The following SMIM13 variants were observed in gnomAD, a reference collection of about 807,000 sequenced individuals.
SMIM13 encodes UPF0766 protein C6orf228.
A neutral mutation model predicts 5.9 loss-of-function variants in SMIM13; 3 were observed. The observed-to-expected ratio is 0.51, with a 90% CI of 0.23 to 1.31. SMIM13 has a LOEUF of 1.31. Ranked by LOEUF, SMIM13 falls within the 40% of genes most tolerant of loss-of-function variation. SMIM13 has a pLI of 0.18. For missense variants in SMIM13, 85 were observed against 109.9 expected, an observed-to-expected ratio of 0.77 and a Z score of 1.01; for synonymous variants, 55 against 46.0, an observed-to-expected ratio of 1.19 and a Z score of -0.79.
chr6:11,111,977 G>A (rs141652830), intron 1 of SMIM13, among the ~76,000 whole-genome samples: 1 of 152,158 alleles, frequency 6.6e-6, no homozygotes, highest in Non-Finnish European at 1.5e-5. Flanking sequence ...TTCTTAGTGC[G>A]CATGCTTGAG....
intron 1 of SMIM13, chr6:11,103,746 G>T (rs138651238): frequency 3.9e-6 from 6 of 1,551,668 alleles, no homozygotes; most frequent in East Asian, 4.9e-5. Flanking sequence ...ACTGAGATTC[G>T]TCTGGAGCTT....
Position 11,137,123 on chromosome 6 carries a change from T to C in SMIM13, c.*2521T>C, listed in dbSNP as rs1335080601. Reference sequence around the variant, plus strand: ...TGGCATTATTTATTGACATTTATGCTTCAAGCATGTCTTATTTTATGTAAT... The same window carrying C: ...TGGCATTATTTATTGACATTTATGCCTCAAGCATGTCTTATTTTATGTAAT... On this transcript the variant is annotated 3_prime_UTR_variant, in exon 2 of 2. Coordinates refer to ENST00000416247, the MANE Select transcript of SMIM13 (RefSeq NM_001135575.2). 1 of 152,144 alleles carries C rather than the reference T, an allele frequency of 6.6e-6. No homozygotes were observed. The highest frequency in any genetic ancestry group is 1.5e-5 in the Non-Finnish European group (1 of 68,010). 9.4% of individuals were successfully genotyped at this position (152,144 alleles called of 1,614,324 possible).
chr6:11,118,596 G>A (rs1420051929), intron 1 of SMIM13, among the ~76,000 whole-genome samples: 1 of 152,178 alleles, frequency 6.6e-6, no homozygotes, highest in Non-Finnish European at 1.5e-5. Context: ...ATGAAAGTGA[G>A]CATGAGGTGC....
Position 11,094,387 on chromosome 6 carries a change from G to T in SMIM13, c.74G>T (p.Cys25Phe), listed in dbSNP as rs908633944. 5.2e-6 allele frequency: 8 copies of T among 1,535,528 alleles called. No individual in the cohort carries two copies. Among genetic ancestry groups the T allele is most frequent in the Non-Finnish European group, 7.0e-6 (8 of 1,142,638 alleles). The change falls in exon 1 of 2, where the codon TGC (cysteine) becomes TTC (phenylalanine). Residue 25 changes from cysteine to phenylalanine, a missense_variant and splice_region_variant. Cys to Phe is a radical substitution (Grantham distance 205). Transcript: ENST00000416247. ...CTGATCGTCCTGCTGCTGATGGTGT[G>T]CGGTGAGTGGGGGCGGTAGCCGCGA... ...TLLIVLLLMV[C>F]GWYFVWHLFL...
At chr6:11,130,997 T>C (rs760390384) in intron 1 of SMIM13, among the ~76,000 whole-genome samples, 7 of 152,190 alleles carry the variant, frequency 4.6e-5, no homozygotes, top group Non-Finnish European at 1.0e-4. Context: ...AAGATTATAA[T>C]TCTCTGATAG....
chr6:11,121,942 G>A (rs2113661506), intron 1 of SMIM13, among the ~76,000 whole-genome samples: 1 of 152,292 alleles, frequency 6.6e-6, no homozygotes, highest in African/African-American at 2.4e-5. Flanking sequence ...AGTAAATACT[G>A]ATTTTTGCAT....
chr6:11,130,660 T>G (rs1758441411), intron 1 of SMIM13, among the ~76,000 whole-genome samples: 1 of 152,210 alleles, frequency 6.6e-6, no homozygotes, highest in Non-Finnish European at 1.5e-5. Flanking sequence ...TGGCAGTGAT[T>G]ACCAAAAATA....
intron 1 of SMIM13, chr6:11,104,036 T>G (rs760127879): frequency 6.4e-7 from 1 of 1,551,768 alleles, no homozygotes; most frequent in South Asian, 1.2e-5. Flanking sequence ...CTCCCTGTGC[T>G]GCCGTTAACA....
intron 1 of SMIM13, among the ~76,000 whole-genome samples, chr6:11,111,320 A>G (rs973936340): frequency 1.3e-5 from 2 of 152,198 alleles, no homozygotes; most frequent in African/African-American, 2.4e-5. Flanking sequence ...ATACAGAGAA[A>G]GGAAAATAGG....
In SMIM13 at chr6:11,128,069, T is replaced by C. The variant is rs1455067290; in HGVS notation, c.77-6334T>C. 2.0e-5 allele frequency among the ~76,000 whole-genome samples: 3 copies of C among 152,222 alleles called. No homozygotes were observed. In the East Asian group the frequency reaches 5.8e-4, roughly 29 times the overall value. The stretch of plus-strand genomic sequence containing the variant: ...ACAAAGTTCTCTTTACTCTTTTCTC[T>C]CCTTTCCTTGAGTAAGAGTTTCTCC... On this transcript the variant is annotated intron_variant, in intron 1 of 1. Coordinates refer to ENST00000416247, the MANE Select transcript of SMIM13 (RefSeq NM_001135575.2).
intron 1 of SMIM13, chr6:11,102,975 C>T (rs2113641300): frequency 6.6e-6 from 1 of 152,314 alleles, no homozygotes; most frequent in African/African-American, 2.4e-5. Flanking sequence ...AGGCCCTTGA[C>T]TTGGGGTTTT....
intron 1 of SMIM13, among the ~76,000 whole-genome samples, chr6:11,107,043 G>A (rs6913027): frequency 0.21 from 32,709 of 152,160 alleles, 3,843 homozygotes; most frequent in African/African-American, 0.31. Flanking sequence ...TTTAACCTCT[G>A]TAATTTGTTG....
At chr6:11,115,992 G>T (rs1205423263) in intron 1 of SMIM13, among the ~76,000 whole-genome samples, 3 of 145,942 alleles carry the variant, frequency 2.1e-5, no homozygotes, top group East Asian at 2.0e-4. Flanking sequence ...CTGCCGGCCG[G>T]CCTTCCTTCC....
rs536274049 is a variant in SMIM13 at position 11,136,683 on chromosome 6, C to T, written c.*2081C>T. The T allele has an allele frequency of 9.2e-5, 14 of 152,190 alleles. No homozygotes were observed. Among genetic ancestry groups the T allele is most frequent in the African/African-American group, 3.4e-4 (14 of 41,538 alleles). The allele number at this position is 152,190 out of a possible 1,614,324, so 9.4% of individuals were successfully genotyped here. On this transcript the variant is annotated 3_prime_UTR_variant, in exon 2 of 2. Coordinates refer to ENST00000416247, the MANE Select transcript of SMIM13 (RefSeq NM_001135575.2). ...TTTCCTAGCAGCTGAGAGCAAGGCA[C>T]AGTCTCTGTCTTCATTTCTTTATTA...
chr6:11,094,468 T>G lies in SMIM13; in HGVS notation c.76+79T>G, dbSNP rs534897897. On this transcript the variant is annotated intron_variant, in intron 1 of 1. Transcript: ENST00000416247. ...CTGGGGTTTTTTTTGTTGTTTGTTTTTTTGAAAAAAACAAAAGGGCGTGGA... is the reference window on the plus strand; with the variant it reads ...CTGGGGTTTTTTTTGTTGTTTGTTTGTTTGAAAAAAACAAAAGGGCGTGGA... 4.7e-3 allele frequency: 5,802 copies of G among 1,229,206 alleles called. 45 individuals carry two copies. Among genetic ancestry groups the G allele is most frequent in the South Asian group, 0.02 (1,529 of 75,022 alleles). The allele number at this position is 1,229,206 out of a possible 1,614,324, so 76.1% of individuals were successfully genotyped here.
At chr6:11,130,993 A>G (rs930770130) in intron 1 of SMIM13, among the ~76,000 whole-genome samples, 12 of 152,182 alleles carry the variant, frequency 7.9e-5, no homozygotes, top group African/African-American at 2.2e-4. Context: ...TAGAAAGATT[A>G]TAATTCTCTG....
intron 1 of SMIM13, among the ~76,000 whole-genome samples, chr6:11,110,318 A>C (rs973992874): frequency 6.6e-6 from 1 of 152,256 alleles, no homozygotes; most frequent in African/African-American, 2.4e-5. Context: ...TCTCTGTTCT[A>C]TGGGTACTTT....
intron 1 of SMIM13, among the ~76,000 whole-genome samples, chr6:11,133,088 A>G (rs531199829): frequency 1.3e-4 from 20 of 152,294 alleles, no homozygotes; most frequent in Admixed American, 3.3e-4. Context: ...AGCTTTGTGA[A>G]TATTCTGTCA....
At chr6:11,097,299 C>T (rs1025528881) in intron 1 of SMIM13, among the ~76,000 whole-genome samples, 1 of 152,166 alleles carries the variant, frequency 6.6e-6, no homozygotes, top group Non-Finnish European at 1.5e-5. Flanking sequence ...ATAAGGACAT[C>T]AGTCGCTGGA....
Sources: allele counts gnomAD v4.1 joint callset (sites outside exome capture counted in the v4.1 genomes callset), GRCh38; gene constraint gnomAD v4.1.1; transcripts MANE v1.5; gene names NCBI Gene and HGNC (gene_info 2026-07-23, HGNC 2026-07-21).